Variants in DNAI1 observed in about 807,000 individuals in gnomAD.
DNAI1 encodes dynein, axonemal, intermediate polypeptide 1.
Under a neutral mutation model 92.0 loss-of-function variants are expected in DNAI1, and 67 were observed. That is an observed-to-expected ratio of 0.73 (90% CI 0.60 to 0.89). DNAI1 has a LOEUF of 0.89. Ranked by LOEUF, DNAI1 falls within the 40% of genes least tolerant of loss-of-function variation. DNAI1 has a pLI of 0.00. For synonymous variants in DNAI1, 323 were observed against 319.6 expected (o/e 1.01, Z -0.11); for missense variants, 839 against 866.6 (o/e 0.97, Z 0.40).
intron 14 of DNAI1, 25 bp from the exon 15 acceptor site, chr9:34,512,312 C>G (rs200423125): frequency 2.5e-5 from 40 of 1,613,798 alleles, no homozygotes; most frequent in Admixed American, 1.7e-4. Flanking sequence ...CCCTCCCCCC[C>G]ACATCCCTCT....
At chr9:34,485,280 T>G in intron 3 of DNAI1, 40 bp downstream of exon 3, 1 of 1,612,626 alleles carries the variant, frequency 6.2e-7, no homozygotes, top group Non-Finnish European at 8.5e-7. Context: ...TTGTACCTCT[T>G]CCAGTTTCGG....
chr9:34,486,409 TTGTC>T (rs1029402379), intron 4 of DNAI1, among the ~76,000 whole-genome samples: 3 of 152,092 alleles, frequency 2.0e-5, no homozygotes, highest in Non-Finnish European at 2.9e-5. Flanking sequence ...TTCAACTAGT[TTGTC>T]TGACTCCAAA....
At chr9:34,479,901 A>T (rs184079999) in intron 1 of DNAI1, among the ~76,000 whole-genome samples, 3 of 151,870 alleles carry the variant, frequency 2.0e-5, no homozygotes, top group Admixed American at 2.0e-4. Flanking sequence ...CCACCCTCCA[A>T]CCCTCTCCCA....
chr9:34,486,231 A>G (rs572486668), intron 4 of DNAI1, among the ~76,000 whole-genome samples: 42 of 152,324 alleles, frequency 2.8e-4, no homozygotes, highest in African/African-American at 1.0e-3. Flanking sequence ...TTCCATGCTT[A>G]CTGTGTGCCA....
chr9:34,461,419 A>G (rs1306454347), intron 1 of DNAI1, among the ~76,000 whole-genome samples: 2 of 152,222 alleles, frequency 1.3e-5, no homozygotes, highest in Non-Finnish European at 2.9e-5. Context: ...TACTTTCTCT[A>G]TCCCAAGAAG....
rs1433416092 is a variant in DNAI1, at chr9:34,520,658, GA to G, written c.2006del (p.Lys669ArgfsTer21). On this transcript the variant is annotated frameshift_variant and splice_region_variant, in exon 20 of 20. Transcript: ENST00000242317. LOFTEE classifies it high-confidence loss of function. ...TCATGTATACTTTCCCTCTCCCCAG[GA>G]AAAGAAGGGGCAGGAGGTGCAGAAG... ...LSPNLRKMPK[E>X]KKGQEVQKGP... 5.2e-5 allele frequency: 81 copies of G among 1,551,574 alleles called. No homozygotes were observed. The highest frequency in any genetic ancestry group is 7.1e-5 in the Non-Finnish European group (81 of 1,146,950).
rs763441608 is a variant in DNAI1 at position 34,518,568 on chromosome 9, CT to C, written c.2001+1104del. On this transcript the variant is annotated intron_variant, in intron 19 of 19. Coordinates refer to ENST00000242317, the MANE Select transcript of DNAI1 (RefSeq NM_012144.4). ...AGGGAGTCGGGCGTGGTCTGAATCT[CT>C]TTGCTGAGCCCAGCTAGTTGGCCTC... Among the ~76,000 whole-genome samples the C allele has an allele frequency of 1.8e-3, 278 of 152,198 alleles. 3 individuals carry two copies. Among genetic ancestry groups the C allele is most frequent in the Non-Finnish European group, 1.2e-3 (84 of 68,026 alleles).
chr9:34,483,559 T>C, intron 2 of DNAI1, 79 bp downstream of exon 2: 1 of 1,389,270 alleles, frequency 7.2e-7, no homozygotes, highest in Non-Finnish European at 1.0e-6. Context: ...TTATGTGTTT[T>C]TAGAAAATGC....
At chr9:34,481,867 G>C (rs907844558) in intron 1 of DNAI1, among the ~76,000 whole-genome samples, 3 of 152,228 alleles carry the variant, frequency 2.0e-5, no homozygotes, top group African/African-American at 7.2e-5. Flanking sequence ...TTATTGCAAA[G>C]AGCAAAAGAA....
At chr9:34,498,114 T>C (rs1824761119) in intron 10 of DNAI1, among the ~76,000 whole-genome samples, 1 of 152,130 alleles carries the variant, frequency 6.6e-6, no homozygotes, top group African/African-American at 2.4e-5. Context: ...GGCTCAAATG[T>C]GGGGTGGAAT....
At chr9:34,463,140 T>G (rs973967008) in intron 1 of DNAI1, among the ~76,000 whole-genome samples, 6 of 151,812 alleles carry the variant, frequency 4.0e-5, no homozygotes, top group African/African-American at 9.7e-5. Context: ...GAAAGAGCTA[T>G]GCAATACCCG....
In DNAI1 at chr9:34,493,175, T is replaced by C; in HGVS notation, c.682-19T>C. On this transcript the variant is annotated intron_variant, in intron 8 of 19. Transcript: ENST00000242317. ...AGATTGCACCTTACAATGATCCTTC[T>C]TATCTCACCCTTGCCTAGTGGGAGA... The C allele has an allele frequency of 6.2e-7, 1 of 1,614,210 alleles. No individual in the cohort carries two copies. The highest frequency in any genetic ancestry group is 1.1e-5 in the South Asian group (1 of 91,086).
intron 12 of DNAI1, among the ~76,000 whole-genome samples, chr9:34,501,453 G>A (rs1416299263): frequency 6.6e-6 from 1 of 152,264 alleles, no homozygotes; most frequent in Non-Finnish European, 1.5e-5. Flanking sequence ...CATATGCAAA[G>A]GCTTGGAGGC....
Position 34,513,654 on chromosome 9 carries a change from A to G in DNAI1, c.1569+463A>G, listed in dbSNP as rs1039070317. 5.9e-5 allele frequency among the ~76,000 whole-genome samples: 9 copies of G among 152,326 alleles called. No homozygotes were observed. In the South Asian group the frequency reaches 1.7e-3, roughly 28 times the overall value. ...TGAACGTCCTTCTGAACTTCCATCC[A>G]TCCAGAAATAGCTCTGCTGCAAGCT... On this transcript the variant is annotated intron_variant, in intron 16 of 19. Coordinates refer to ENST00000242317, the MANE Select transcript of DNAI1 (RefSeq NM_012144.4).
chr9:34,514,316 C>G, intron 16 of DNAI1, 78 bp from the exon 17 acceptor site: 1 of 1,577,040 alleles, frequency 6.3e-7, no homozygotes, highest in Non-Finnish European at 8.6e-7. Context: ...GTCTAAGGCT[C>G]TGATCCTCCA....
Position 34,458,971 on chromosome 9 carries a change from C to G in DNAI1, c.-35C>G. On this transcript the variant is annotated 5_prime_UTR_variant, in exon 1 of 20. Transcript: ENST00000242317. This position sits in a 1 kb window ranked among gnomAD's most constrained non-coding sequence, Gnocchi z 6.6. Reference sequence around the variant, plus strand: ...GACGGACAAACTTTTTGTCTTCAGACGAGGGAGCGTTTTGTAGGCTCTCCA... The same window carrying G: ...GACGGACAAACTTTTTGTCTTCAGAGGAGGGAGCGTTTTGTAGGCTCTCCA... 1 of 1,609,366 alleles carries G rather than the reference C, an allele frequency of 6.2e-7. No individual in the cohort carries two copies. Among genetic ancestry groups the G allele is most frequent in the Non-Finnish European group, 8.5e-7 (1 of 1,175,764 alleles).
intron 13 of DNAI1, among the ~76,000 whole-genome samples, chr9:34,510,103 G>A (rs1247196968): frequency 6.6e-6 from 1 of 152,210 alleles, no homozygotes; most frequent in African/African-American, 2.4e-5. Context: ...GAGATACTGT[G>A]TCAGAGATAT....
intron 1 of DNAI1, among the ~76,000 whole-genome samples, chr9:34,471,949 T>C (rs1265069653): frequency 6.6e-6 from 1 of 152,170 alleles, no homozygotes; most frequent in African/African-American, 2.4e-5. Context: ...AACTGAAAGA[T>C]GCTATATAAA....
In DNAI1 at chr9:34,503,194, A is replaced by G. The variant is rs183424449; in HGVS notation, c.1063+2013A>G. 1.6e-3 allele frequency among the ~76,000 whole-genome samples: 242 copies of G among 152,292 alleles called. 5 individuals carry two copies. Among genetic ancestry groups the G allele is most frequent in the Admixed American group, 0.012 (184 of 15,294 alleles). On this transcript the variant is annotated intron_variant, in intron 12 of 19. Transcript: ENST00000242317. ...TATTCTCCAGAGCCTTGCATATCTCAGAACCACCTGCAGAGGCCTGAATAG... is the reference window on the plus strand; with the variant it reads ...TATTCTCCAGAGCCTTGCATATCTCGGAACCACCTGCAGAGGCCTGAATAG...
Sources: allele counts gnomAD v4.1 joint callset (sites outside exome capture counted in the v4.1 genomes callset), GRCh38; gene constraint gnomAD v4.1.1; non-coding constraint Gnocchi (gnomAD v3.1); transcripts MANE v1.5; gene names NCBI Gene and HGNC (gene_info 2026-07-23, HGNC 2026-07-21).